Variants in TRPM3 observed in about 807,000 individuals in gnomAD.
TRPM3 encodes the protein transient receptor potential cation channel subfamily M member 3.
A neutral mutation model predicts 181.2 loss-of-function variants in TRPM3; 77 were observed. That is an observed-to-expected ratio of 0.42 (90% CI 0.35 to 0.51). TRPM3 has a LOEUF of 0.51. Among genes scored for constraint, TRPM3 ranks in the 20% least tolerant of loss-of-function variants. The pLI is 0.01. For missense variants in TRPM3, 1,759 were observed against 2,196.7 expected (o/e 0.80, Z 3.98); for synonymous variants, 745 against 796.4 (o/e 0.94, Z 1.09).
rs79166055 is a variant in TRPM3, at chr9:71,403,701, G to A, written c.183+42952C>T. ...AAAGCTAATAAATGACGGAGGGGGC[G>A]ATCTGAACCCAGACAGTGTGACTCC... On this transcript the variant is annotated intron_variant, in intron 1 of 24. Coordinates refer to the TRPM3 transcript ENST00000357533. Among the ~76,000 whole-genome samples, 672 of 152,108 alleles carry A rather than the reference G, an allele frequency of 4.4e-3. 21 individuals carry two copies. The East Asian group carries it at 0.089, about 20-fold the overall frequency.
At chr9:71,374,007 C>T (rs1157797292) in intron 1 of TRPM3, among the ~76,000 whole-genome samples, 1 of 152,194 alleles carries the variant, frequency 6.6e-6, no homozygotes, top group African/African-American at 2.4e-5. Context: ...ATAAACAGAA[C>T]TAAAGACAAA....
In TRPM3 at chr9:71,275,699, A is replaced by G. The variant is rs1258864126; in HGVS notation, c.183+170954T>C. Among the ~76,000 whole-genome samples, 5 of 152,360 alleles carry G rather than the reference A, an allele frequency of 3.3e-5. No homozygotes were observed. The East Asian group carries it at 9.6e-4, about 29-fold the overall frequency. ...GCCATATTATTGAAGATAGATAGGT[A>G]TTGGAGTAGTGATTAACAAACAGAA... On this transcript the variant is annotated intron_variant, in intron 1 of 24. Coordinates refer to the TRPM3 transcript ENST00000357533.
In TRPM3 at chr9:70,538,714, C is replaced by G. The variant is rs555020285; in HGVS notation, c.3708-1309G>C. ...AAGTGCTGGGATCACAGGTGTGAAC[C>G]CTGGAAATTCTTAGGGGCATGGTTT... On this transcript the variant is annotated intron_variant, in intron 25 of 25. Transcript: ENST00000677713. Among the ~76,000 whole-genome samples the G allele has an allele frequency of 8.5e-5, 13 of 152,246 alleles. No homozygotes were observed. The South Asian group carries it at 2.5e-3, about 29-fold the overall frequency.
At chr9:70,829,310 T>C (rs1038496231) in intron 5 of TRPM3, among the ~76,000 whole-genome samples, 17 of 152,178 alleles carry the variant, frequency 1.1e-4, no homozygotes, top group African/African-American at 3.9e-4. Flanking sequence ...GTAAGTCATT[T>C]TTTTAGACCT....
chr9:71,178,676 G>A (rs913981556), intron 1 of TRPM3, among the ~76,000 whole-genome samples: 2 of 152,050 alleles, frequency 1.3e-5, no homozygotes, highest in African/African-American at 4.8e-5. Context: ...TCACTAAAAC[G>A]CAGGAAAATT....
intron 1 of TRPM3, among the ~76,000 whole-genome samples, chr9:71,393,589 G>A (rs1227766401): frequency 6.6e-6 from 1 of 152,190 alleles, no homozygotes; most frequent in African/African-American, 2.4e-5. Flanking sequence ...AGCCAGTCGT[G>A]TCTGCAAAGA....
At chr9:71,185,131 C>T (rs1353279594) in intron 1 of TRPM3, among the ~76,000 whole-genome samples, 1 of 152,006 alleles carries the variant, frequency 6.6e-6, no homozygotes, top group Non-Finnish European at 1.5e-5. Flanking sequence ...GGAGAGAACT[C>T]TTTAGGGTAA....
intron 1 of TRPM3, among the ~76,000 whole-genome samples, chr9:71,088,963 G>A (rs1228269431): frequency 1.3e-5 from 2 of 151,530 alleles, no homozygotes; most frequent in Admixed American, 6.6e-5. Context: ...TCTGATAGAA[G>A]CTCTCTGTTT....
chr9:71,186,970 T>A (rs979305102), intron 1 of TRPM3, among the ~76,000 whole-genome samples: 4 of 152,048 alleles, frequency 2.6e-5, no homozygotes, highest in Non-Finnish European at 5.9e-5. Context: ...TACGTGATAG[T>A]GTATAATACT....
At chr9:71,004,017 A>G (rs1309331380) in intron 1 of TRPM3, among the ~76,000 whole-genome samples, 4 of 152,192 alleles carry the variant, frequency 2.6e-5, no homozygotes, top group Non-Finnish European at 5.9e-5. Flanking sequence ...TGATCTTTCC[A>G]CTAGTCTACT....
chr9:70,760,749 G>A (rs55993605), intron 8 of TRPM3: 33,053 of 151,238 alleles, frequency 0.22, 4,429 homozygotes, highest in Non-Finnish European at 0.3. Context: ...CTCTGGCTGA[G>A]GCCTGGGGGC....
intron 1 of TRPM3, among the ~76,000 whole-genome samples, chr9:71,009,378 A>T (rs1014834239): frequency 2.6e-5 from 4 of 152,216 alleles, no homozygotes; most frequent in Admixed American, 6.5e-5. Context: ...TATAACTCAT[A>T]AAAAAATTCA....
intron 1 of TRPM3, among the ~76,000 whole-genome samples, chr9:71,127,315 A>ACACACACACACACACACACC (rs755435076): frequency 4.6e-5 from 7 of 151,548 alleles, no homozygotes; most frequent in Non-Finnish European, 8.8e-5. Flanking sequence ...ACACACACAC[A>ACACACACACACACACACACC]CCCCTGAACT....
chr9:71,250,523 A>G (rs1360050259), intron 1 of TRPM3, among the ~76,000 whole-genome samples: 2 of 152,162 alleles, frequency 1.3e-5, no homozygotes, highest in Non-Finnish European at 2.9e-5. Flanking sequence ...ACTCAAGAAA[A>G]GTATTGGTTT....
intron 1 of TRPM3, chr9:70,917,412 C>A: frequency 1.2e-6 from 1 of 839,392 alleles, no homozygotes; most frequent in Non-Finnish European, 2.1e-6. Context: ...GACACCACCT[C>A]CACCTGCTCA....
At chr9:70,586,045 C>T (rs2057072837) in intron 22 of TRPM3, among the ~76,000 whole-genome samples, 1 of 152,200 alleles carries the variant, frequency 6.6e-6, no homozygotes, top group Admixed American at 6.5e-5. Flanking sequence ...ACACCTCCTG[C>T]TCTCATCTTC....
intron 22 of TRPM3, among the ~76,000 whole-genome samples, chr9:70,568,812 T>A (rs1446139430): frequency 6.6e-6 from 1 of 152,248 alleles, no homozygotes; most frequent in African/African-American, 2.4e-5. Context: ...ATTTAGACTT[T>A]CCTTGTGTTC....
At chr9:70,652,589 G>A (rs1292110283) in intron 9 of TRPM3, among the ~76,000 whole-genome samples, 2 of 152,188 alleles carry the variant, frequency 1.3e-5, no homozygotes, top group African/African-American at 2.4e-5. Flanking sequence ...CATATTACAT[G>A]TATGATCTCA....
At chr9:70,820,831 C>G (rs2093104941) in intron 6 of TRPM3, among the ~76,000 whole-genome samples, 1 of 152,006 alleles carries the variant, frequency 6.6e-6, no homozygotes, top group South Asian at 2.1e-4. Flanking sequence ...GGTCACAGAG[C>G]CCTGACAATC....
Sources: allele counts gnomAD v4.1 joint callset (sites outside exome capture counted in the v4.1 genomes callset), GRCh38; gene constraint gnomAD v4.1.1; transcripts MANE v1.5; gene names NCBI Gene and HGNC (gene_info 2026-07-23, HGNC 2026-07-21).